The following XG variants were observed in gnomAD, a reference collection of about 807,000 sequenced individuals.
XG encodes Xg glycoprotein (Xg blood group), also known as glycoprotein Xg.
XG carries 24 observed loss-of-function variants against 25.7 expected under a neutral mutation model. That is an observed-to-expected ratio of 0.93 (90% CI 0.68 to 1.31). The LOEUF (loss-of-function observed/expected upper bound fraction) is 1.31, where lower values mean the gene tolerates loss of function less well. XG is among the 40% of genes most tolerant of loss of function. The pLI, the probability that XG is intolerant of heterozygous loss-of-function variation, is 0.00. For synonymous variants in XG, 77 were observed against 69.2 expected, an observed-to-expected ratio of 1.11 and a Z score of -0.56; for missense variants, 181 against 187.6, an observed-to-expected ratio of 0.96 and a Z score of 0.21.
intron 1 of XG, among the ~76,000 whole-genome samples, chrX:2,769,718 A>ATGT (rs1396084138): frequency 6.6e-6 from 1 of 152,166 alleles, no homozygotes; most frequent in African/African-American, 2.4e-5. Context: ...AAAGATGTGA[A>ATGT]TGTTCTCTTC....
intron 7 of XG, among the ~76,000 whole-genome samples, chrX:2,804,929 G>A (rs1329289900): frequency 3.6e-5 from 4 of 112,522 alleles, no homozygotes; most frequent in Non-Finnish European, 1.9e-5. Flanking sequence ...GCGTGCATGA[G>A]GCACAGCCCA....
At chrX:2,777,791 T>C (rs944022643) in intron 3 of XG, among the ~76,000 whole-genome samples, 9 of 152,192 alleles carry the variant, frequency 5.9e-5, no homozygotes, top group African/African-American at 2.2e-4. Context: ...CTGGGCGCAG[T>C]GGCTCACGCC....
At chrX:2,796,602 C>A (rs1360752231) in intron 6 of XG, among the ~76,000 whole-genome samples, 1 of 111,102 alleles carries the variant, frequency 9.0e-6, no homozygotes, top group African/African-American at 3.3e-5. Flanking sequence ...TATCAATAAT[C>A]TTTCATATAG....
chrX:2,756,945 G>C (rs2050448701), intron 1 of XG, among the ~76,000 whole-genome samples: 1 of 152,228 alleles, frequency 6.6e-6, no homozygotes, highest in South Asian at 2.1e-4. Flanking sequence ...GTGTTAGCCA[G>C]CTCAGTGCCG....
chrX:2,756,793 A>G (rs2050444986), intron 1 of XG, among the ~76,000 whole-genome samples: 1 of 152,166 alleles, frequency 6.6e-6, no homozygotes, highest in African/African-American at 2.4e-5. Flanking sequence ...GAACTTGCAG[A>G]CGGGCAGGTG....
intron 3 of XG, among the ~76,000 whole-genome samples, chrX:2,776,673 G>A (rs1315473454): frequency 6.6e-6 from 1 of 152,024 alleles, no homozygotes; most frequent in Non-Finnish European, 1.5e-5. Flanking sequence ...GTGAAACCCC[G>A]TCTCTACTAA....
chrX:2,805,086 C>A (rs183886849), intron 7 of XG, among the ~76,000 whole-genome samples: 1 of 112,178 alleles, frequency 8.9e-6, no homozygotes, highest in Non-Finnish European at 1.9e-5. Flanking sequence ...TGCAAGCCGC[C>A]GCCATGGGAT....
chrX:2,770,018 GA>G (rs1300366694), intron 1 of XG, among the ~76,000 whole-genome samples: 7,409 of 122,218 alleles, frequency 0.061, 511 homozygotes, highest in South Asian at 0.15. Context: ...TGCGTGTGTG[GA>G]GGGGTGGGGG....
At position 2,758,845 on chromosome X, in the gene XG, GATCT is replaced by G. The variant is rs1464637163; in HGVS notation, c.61+6518_61+6521del. Among the ~76,000 whole-genome samples the G allele has an allele frequency of 5.3e-5, 8 of 152,316 alleles. No homozygotes were observed. In the East Asian group the frequency reaches 1.3e-3, roughly 26 times the overall value. ...CTGTCTGTCTGTCTGCCTATCTCTA[GATCT>G]ATCTATCGTCTACCATTATCCATCC... On this transcript the variant is annotated intron_variant, in intron 1 of 10. Transcript: ENST00000644266.
At chrX:2,773,888 G>A (rs1484846041) in intron 2 of XG, among the ~76,000 whole-genome samples, 1 of 151,976 alleles carries the variant, frequency 6.6e-6, no homozygotes, top group Admixed American at 6.5e-5. Context: ...GAGGTGGCAG[G>A]AAGGAGAAAA....
At chrX:2,757,696 G>T (rs1359665865) in intron 1 of XG, among the ~76,000 whole-genome samples, 4 of 151,800 alleles carry the variant, frequency 2.6e-5, no homozygotes, top group Non-Finnish European at 5.9e-5. Context: ...TGTGGGCCGG[G>T]CACAGTGGCT....
intron 1 of XG, among the ~76,000 whole-genome samples, chrX:2,754,675 T>C (rs1285451064): frequency 6.6e-6 from 1 of 152,124 alleles, no homozygotes; most frequent in Non-Finnish European, 1.5e-5. Context: ...GTTCCAAAAC[T>C]GAAGAACTTG....
intron 3 of XG, among the ~76,000 whole-genome samples, chrX:2,779,606 G>A (rs1401418696): frequency 2.6e-5 from 4 of 152,172 alleles, no homozygotes; most frequent in South Asian, 2.1e-4. Context: ...GATATAAAAC[G>A]TGCAGTACTT....
chrX:2,780,867 C>T (rs1290844794), intron 3 of XG, among the ~76,000 whole-genome samples: 2 of 152,124 alleles, frequency 1.3e-5, no homozygotes, highest in South Asian at 2.1e-4. Context: ...TCTGATTAGC[C>T]TTTCCAAAGG....
chrX:2,755,128 G>A (rs752089865), intron 1 of XG, among the ~76,000 whole-genome samples: 9 of 152,238 alleles, frequency 5.9e-5, no homozygotes, highest in South Asian at 2.1e-4. Context: ...AAAGGGGTCC[G>A]GATCCAGACG....
At chrX:2,809,669 T>G (rs1174497301) in intron 9 of XG, among the ~76,000 whole-genome samples, 8 of 112,471 alleles carry the variant, frequency 7.1e-5, no homozygotes, top group African/African-American at 2.6e-4. Flanking sequence ...CTGACACCAT[T>G]CTAGTGGTCC....
intron 9 of XG, among the ~76,000 whole-genome samples, chrX:2,810,081 G>A (rs926460137): frequency 1.8e-5 from 2 of 111,405 alleles, no homozygotes; most frequent in Admixed American, 9.5e-5. Context: ...TGTGGCGGGC[G>A]GCAGCATCAG....
intron 1 of XG, among the ~76,000 whole-genome samples, chrX:2,762,757 AT>A (rs978305999): frequency 2.0e-5 from 3 of 151,888 alleles, no homozygotes; most frequent in African/African-American, 7.3e-5. Context: ...ATATGATTTA[AT>A]TTTTTTTACT....
chrX:2,789,716 A>G lies in XG; in HGVS notation c.253+10A>G. ...TCCGGCAACAGTGGAGGTAATGAGTATTTATTTATTTATTTTTATTTTATT... is the reference window on the plus strand; with the variant it reads ...TCCGGCAACAGTGGAGGTAATGAGTGTTTATTTATTTATTTTTATTTTATT... On this transcript the variant is annotated intron_variant, in intron 5 of 10. Coordinates refer to ENST00000644266, the MANE Select transcript of XG (RefSeq NM_001141919.2). 1.1e-6 allele frequency: 1 copy of G among 901,935 alleles called. No individual in the cohort carries two copies. The allele number at this position is 901,935 out of a possible 1,213,427, so 74.3% of individuals were successfully genotyped here. A position where few individuals can be genotyped will look rare whatever the true frequency, so the allele number is the denominator to read the frequency against.
Sources: gnomAD v4.1 joint callset for allele counts (sites outside exome capture counted in the v4.1 genomes callset) on GRCh38, gnomAD v4.1.1 for gene constraint, MANE v1.5 for transcripts, NCBI Gene and HGNC (gene_info 2026-07-23, HGNC 2026-07-21) for gene names.